The following NRG3 variants were observed in gnomAD, a reference collection of about 807,000 sequenced individuals.
NRG3 encodes the protein pro-neuregulin-3, membrane-bound isoform.
NRG3 carries 31 observed loss-of-function variants against 66.9 expected under a neutral mutation model. The ratio of observed to expected loss-of-function variants is 0.46; its 90% CI spans 0.35 to 0.63. The LOEUF is 0.63. Among genes scored for constraint, NRG3 ranks in the 20% least tolerant of loss-of-function variants. The probability of loss-of-function intolerance (pLI) is 0.00; values close to 1 mark genes in which losing one functional copy is unlikely to be tolerated. For synonymous variants in NRG3, 393 were observed against 359.4 expected (o/e 1.09, Z -1.06); for missense variants, 910 against 878.9 (o/e 1.04, Z -0.45).
rs544802992 is a variant in NRG3, at chr10:82,369,274, T to C, written c.953+10406T>C. Among the ~76,000 whole-genome samples, 28 of 138,392 alleles carry C rather than the reference T, an allele frequency of 2.0e-4. 5 individuals are homozygous for C. The East Asian group carries it at 6.0e-3, about 30-fold the overall frequency. The allele number at this position is 138,392 out of a possible 152,430, so 90.8% of individuals were successfully genotyped here. On this transcript the variant is annotated intron_variant, in intron 2 of 8. Coordinates refer to ENST00000372141, the MANE Select transcript of NRG3 (RefSeq NM_001010848.4). ...TTCAGGAATTCAAACTGCTTCAAAA[T>C]AAGACATTTAAACTCTGGCTTTATG...
intron 3 of NRG3, among the ~76,000 whole-genome samples, chr10:82,771,509 A>G (rs1195622271): frequency 6.6e-6 from 1 of 152,152 alleles, no homozygotes; most frequent in Non-Finnish European, 1.5e-5. Context: ...TGCCCCCAGC[A>G]GTCTGGCTGA....
chr10:82,331,213 T>C (rs1765539937), intron 1 of NRG3, among the ~76,000 whole-genome samples: 1 of 152,186 alleles, frequency 6.6e-6, no homozygotes, highest in Admixed American at 6.5e-5. Context: ...CTTTCACCTG[T>C]TGTCTTTTCA....
intron 2 of NRG3, among the ~76,000 whole-genome samples, chr10:82,510,091 T>C (rs1845036590): frequency 6.6e-6 from 1 of 152,084 alleles, no homozygotes; most frequent in Non-Finnish European, 1.5e-5. Flanking sequence ...AAATATACCA[T>C]TTTCAGTGAA....
chr10:82,603,201 G>A (rs2047741242), intron 2 of NRG3, among the ~76,000 whole-genome samples: 1 of 152,106 alleles, frequency 6.6e-6, no homozygotes, highest in African/African-American at 2.4e-5. Context: ...ATGGGAATTA[G>A]CCTACTTTTG....
intron 2 of NRG3, among the ~76,000 whole-genome samples, chr10:82,633,548 C>T (rs1215795630): frequency 6.6e-6 from 1 of 152,084 alleles, no homozygotes; most frequent in Admixed American, 6.6e-5. Flanking sequence ...GAGACAGATG[C>T]CCCAGATAGA....
At chr10:82,789,941 A>T in intron 3 of NRG3, among the ~76,000 whole-genome samples, 1 of 152,106 alleles carries the variant, frequency 6.6e-6, no homozygotes, top group East Asian at 1.9e-4. Flanking sequence ...ACTTAAAACA[A>T]TCTAGGATTG....
At chr10:82,691,558 G>A (rs2054928510) in intron 2 of NRG3, among the ~76,000 whole-genome samples, 1 of 152,166 alleles carries the variant, frequency 6.6e-6, no homozygotes, top group Non-Finnish European at 1.5e-5. Context: ...GAGATATGAA[G>A]AGGACAGAAA....
chr10:82,087,161 G>C (rs4933826), intron 1 of NRG3, among the ~76,000 whole-genome samples: 117,011 of 151,994 alleles, frequency 0.77, 45,172 homozygotes, highest in Non-Finnish European at 0.8. Flanking sequence ...GGCAGAAGGA[G>C]GACAGGCTGG....
At position 82,832,144 on chromosome 10, in the gene NRG3, T is replaced by C. The variant is rs77787618; in HGVS notation, c.1028-33267T>C. 1.0e-3 allele frequency among the ~76,000 whole-genome samples: 152 copies of C among 152,330 alleles called. 3 individuals are homozygous for C. The East Asian group carries it at 0.019, about 19-fold the overall frequency. The stretch of plus-strand genomic sequence containing the variant: ...TTAAGAATGTGTAAATTTAGATTAC[T>C]ACCACTGGGAATTTAAAACAATGAA... On this transcript the variant is annotated intron_variant, in intron 3 of 8. Transcript: ENST00000372141.
intron 3 of NRG3, among the ~76,000 whole-genome samples, chr10:82,760,467 C>A (rs1168161560): frequency 6.6e-6 from 1 of 151,854 alleles, no homozygotes; most frequent in Non-Finnish European, 1.5e-5. Flanking sequence ...TACCAAATAC[C>A]AAGGAAGAGA....
At chr10:82,732,132 T>C (rs2057941587) in intron 2 of NRG3, among the ~76,000 whole-genome samples, 2 of 152,148 alleles carry the variant, frequency 1.3e-5, no homozygotes, top group African/African-American at 2.4e-5. Flanking sequence ...TAAATATATA[T>C]AATTTTTATG....
chr10:82,940,134 T>A (rs1848464709), intron 4 of NRG3, among the ~76,000 whole-genome samples: 1 of 152,152 alleles, frequency 6.6e-6, no homozygotes. Flanking sequence ...GAAGGGAAGC[T>A]TGGGAAGAAT....
At chr10:82,652,976 C>T (rs959904436) in intron 2 of NRG3, among the ~76,000 whole-genome samples, 5 of 152,118 alleles carry the variant, frequency 3.3e-5, no homozygotes. Flanking sequence ...TTTAAGTAAC[C>T]AAATCAGGCT....
intron 2 of NRG3, among the ~76,000 whole-genome samples, chr10:82,585,402 C>T (rs894091799): frequency 7.2e-5 from 11 of 152,056 alleles, no homozygotes; most frequent in East Asian, 5.8e-4. Context: ...GGTTCATGAA[C>T]GAGTTTCCCC....
chr10:82,223,642 A>AAAACACACACACAC (rs1225527774), intron 1 of NRG3, among the ~76,000 whole-genome samples: 23 of 137,924 alleles, frequency 1.7e-4, no homozygotes, highest in Non-Finnish European at 2.3e-4. Flanking sequence ...AACCACCCCA[A>AAAACACACACACAC]ACACACACAC....
chr10:82,317,833 A>G (rs1302557013), intron 1 of NRG3, among the ~76,000 whole-genome samples: 1 of 152,232 alleles, frequency 6.6e-6, no homozygotes, highest in South Asian at 2.1e-4. Flanking sequence ...TGAGGGCTCC[A>G]AATTTAAAGA....
intron 2 of NRG3, among the ~76,000 whole-genome samples, chr10:82,634,712 T>C (rs2050069098): frequency 6.6e-6 from 1 of 152,188 alleles, no homozygotes; most frequent in African/African-American, 2.4e-5. Flanking sequence ...TTGGGGAAAG[T>C]GTAAGGAACC....
intron 1 of NRG3, among the ~76,000 whole-genome samples, chr10:82,179,615 A>T (rs1184754531): frequency 6.6e-6 from 1 of 151,964 alleles, no homozygotes; most frequent in African/African-American, 2.4e-5. Context: ...TGTTTGTCTT[A>T]TGCCAGTACC....
chr10:82,779,253 G>A (rs1019281795), intron 3 of NRG3, among the ~76,000 whole-genome samples: 1 of 152,124 alleles, frequency 6.6e-6, no homozygotes, highest in East Asian at 1.9e-4. Context: ...TATCCACTGT[G>A]GTGATGAAGG....
Sources: allele counts gnomAD v4.1 joint callset (sites outside exome capture counted in the v4.1 genomes callset), GRCh38; gene constraint gnomAD v4.1.1; transcripts MANE v1.5; gene names NCBI Gene and HGNC (gene_info 2026-07-23, HGNC 2026-07-21).